The following PLSCR4 variants were observed in gnomAD, a reference collection of about 807,000 sequenced individuals.
PLSCR4 encodes Ca(2+)-dependent phospholipid scramblase 4.
A neutral mutation model predicts 36.3 loss-of-function variants in PLSCR4; 25 were observed. The observed-to-expected ratio is 0.69, with a 90% CI of 0.50 to 0.96. The LOEUF (loss-of-function observed/expected upper bound fraction) is 0.96, where lower values mean the gene tolerates loss of function less well. PLSCR4 is among the 40% of genes least tolerant of loss of function. The pLI is 0.00. For missense variants in PLSCR4, 408 were observed against 414.7 expected (o/e 0.98, Z 0.14); for synonymous variants, 122 against 132.9 (o/e 0.92, Z 0.56).
At chr3:146,239,844 T>C (rs1292054483) in intron 1 of PLSCR4, among the ~76,000 whole-genome samples, 1 of 151,710 alleles carries the variant, frequency 6.6e-6, no homozygotes, top group African/African-American at 2.4e-5. Context: ...GATTGCACCA[T>C]TGCACTCCAG....
intron 1 of PLSCR4, among the ~76,000 whole-genome samples, chr3:146,242,882 A>C: frequency 6.6e-6 from 1 of 152,230 alleles, no homozygotes; most frequent in East Asian, 1.9e-4. Flanking sequence ...GTCTGCCTTT[A>C]TGGTAAACAC....
At chr3:146,209,026 G>C (rs2034487416) in intron 3 of PLSCR4, among the ~76,000 whole-genome samples, 1 of 151,918 alleles carries the variant, frequency 6.6e-6, no homozygotes. Context: ...ATCTACGAGT[G>C]GATAAAGAAA....
intron 1 of PLSCR4, among the ~76,000 whole-genome samples, chr3:146,230,600 C>T (rs2035669834): frequency 6.6e-6 from 1 of 151,988 alleles, no homozygotes; most frequent in African/African-American, 2.4e-5. Flanking sequence ...GTTGCTTGGA[C>T]ATGTTGCTGT....
rs2036365588 is a variant in PLSCR4, at chr3:146,246,996, TAC to T, written c.-22+3962_-22+3963del. Among the ~76,000 whole-genome samples, 5 of 152,316 alleles carry T rather than the reference TAC, an allele frequency of 3.3e-5. 1 individual carries two copies. In the South Asian group the frequency reaches 1.0e-3, roughly 32 times the overall value. On this transcript the variant is annotated intron_variant, in intron 1 of 8. Transcript: ENST00000354952. ...GATTTTCTAAGCATATATAAACTAA[TAC>T]ACACAGTTTTTATAAAATGGCAATC...
At chr3:146,224,520 C>T (rs1277368660) in intron 1 of PLSCR4, among the ~76,000 whole-genome samples, 3 of 149,388 alleles carry the variant, frequency 2.0e-5, no homozygotes, top group African/African-American at 7.7e-5. Flanking sequence ...GAGTTTCTTC[C>T]TTCTGGTGGG....
intron 6 of PLSCR4, among the ~76,000 whole-genome samples, 189 bp downstream of exon 6, chr3:146,199,624 T>C (rs1349218450): frequency 6.6e-6 from 1 of 152,136 alleles, no homozygotes; most frequent in Non-Finnish European, 1.5e-5. Flanking sequence ...TAAAAAGTAG[T>C]AACCAAAAAG....
intron 1 of PLSCR4, among the ~76,000 whole-genome samples, chr3:146,237,016 G>A (rs1339395736): frequency 2.6e-5 from 4 of 151,614 alleles, no homozygotes; most frequent in Admixed American, 2.6e-4. Flanking sequence ...CAATCAAAAG[G>A]TAGAGACTGG....
In PLSCR4 at chr3:146,193,670, C is replaced by A. The variant is rs969266515; in HGVS notation, c.*741G>T. 1.3e-5 allele frequency: 2 copies of A among 152,222 alleles called. No homozygotes were observed. The highest frequency in any genetic ancestry group is 2.9e-5 in the Non-Finnish European group (2 of 68,032). 9.4% of individuals were successfully genotyped at this position (152,222 alleles called of 1,614,324 possible). ...CAATGTCTCTAAGTTGCTCAGAGAT[C>A]TTGACTGGCTGTGGCCCTGGCCAGC... On this transcript the variant is annotated 3_prime_UTR_variant, in exon 9 of 9. Transcript: ENST00000354952.
At position 146,195,198 on chromosome 3, in the gene PLSCR4, G is replaced by C; in HGVS notation, c.871C>G (p.His291Asp). Residue 291 changes from histidine (H) to aspartate (D), a missense_variant, in exon 8 of 9, where the codon CAT (histidine) becomes GAT (aspartate). Physicochemically the swap from His to Asp is moderately conservative, Grantham distance 81. Coordinates refer to ENST00000354952, the MANE Select transcript of PLSCR4 (RefSeq NM_020353.3). ...GLLSAMADAD[H>D]FDIHFPLDLD... ...TCTAGTGGGAAGTGAATGTCAAAAT[G>C]GTCAGCATCTGCCATTGCTGATAAC... 6.2e-7 allele frequency: 1 copy of C among 1,613,170 alleles called. No individual in the cohort carries two copies. The highest frequency in any genetic ancestry group is 8.5e-7 in the Non-Finnish European group (1 of 1,179,228).
intron 8 of PLSCR4, 114 bp from the exon 9 acceptor site, chr3:146,194,569 AT>A: frequency 1.6e-6 from 1 of 639,182 alleles, no homozygotes; most frequent in Non-Finnish European, 2.7e-6. Flanking sequence ...AAATACATAA[AT>A]TTAGGGAAAT....
intron 5 of PLSCR4, among the ~76,000 whole-genome samples, chr3:146,200,755 G>C (rs903413613): frequency 6.6e-6 from 1 of 151,962 alleles, no homozygotes; most frequent in Non-Finnish European, 1.5e-5. Context: ...TCTTTGAAAG[G>C]TAAATGTGGA....
intron 1 of PLSCR4, among the ~76,000 whole-genome samples, chr3:146,236,205 T>A (rs78724486): frequency 0.013 from 1,975 of 152,156 alleles, 42 homozygotes; most frequent in African/African-American, 0.045. Flanking sequence ...CTTGAAGGCA[T>A]CTCAGAGACC....
chr3:146,222,786 T>A (rs9880432), intron 1 of PLSCR4, among the ~76,000 whole-genome samples: 1 of 151,876 alleles, frequency 6.6e-6, no homozygotes, highest in East Asian at 1.9e-4. Context: ...CTGACCGACA[T>A]CATACAATGA....
At chr3:146,232,634 C>A (rs181622995) in intron 1 of PLSCR4, among the ~76,000 whole-genome samples, 2 of 152,036 alleles carry the variant, frequency 1.3e-5, no homozygotes, top group African/African-American at 2.4e-5. Context: ...TGATTTGGTT[C>A]CTGGTTTGGC....
chr3:146,247,483 A>G (rs538335815), intron 1 of PLSCR4, among the ~76,000 whole-genome samples: 2 of 151,662 alleles, frequency 1.3e-5, no homozygotes, highest in African/African-American at 2.4e-5. Flanking sequence ...GCAATTTGCA[A>G]CTCTATTTCT....
rs114613671 is a variant in PLSCR4 at position 146,231,745 on chromosome 3, T to G, written c.-21-9653A>C. On this transcript the variant is annotated intron_variant, in intron 1 of 8. Coordinates refer to ENST00000354952, the MANE Select transcript of PLSCR4 (RefSeq NM_020353.3). The stretch of plus-strand genomic sequence containing the variant: ...TTGATTTGTTTAAATTCCTTACAGA[T>G]TCTGAATATTCGACCTTTGTCAGAT... Among the ~76,000 whole-genome samples, 1,334 of 152,346 alleles carry G rather than the reference T, an allele frequency of 8.8e-3. 20 individuals carry two copies. The highest frequency in any genetic ancestry group is 0.031 in the African/African-American group (1,288 of 41,578).
At chr3:146,229,668 A>T (rs2035624814) in intron 1 of PLSCR4, among the ~76,000 whole-genome samples, 1 of 150,626 alleles carries the variant, frequency 6.6e-6, no homozygotes, top group Admixed American at 6.6e-5. Flanking sequence ...TCTGTCACCC[A>T]GGCTGGAGTG....
intron 5 of PLSCR4, 53 bp downstream of exon 5, chr3:146,200,982 G>T: frequency 1.7e-6 from 2 of 1,182,552 alleles, no homozygotes; most frequent in Non-Finnish European, 2.4e-6. Flanking sequence ...ATTGGATAAT[G>T]CAAATTTCCA....
chr3:146,245,580 T>A (rs911626340), intron 1 of PLSCR4, among the ~76,000 whole-genome samples: 55 of 152,172 alleles, frequency 3.6e-4, no homozygotes, highest in African/African-American at 1.3e-3. Flanking sequence ...ATAATTTTCC[T>A]TTAAAAATAT....
Sources: gnomAD v4.1 joint callset for allele counts (sites outside exome capture counted in the v4.1 genomes callset) on GRCh38, gnomAD v4.1.1 for gene constraint, MANE v1.5 for transcripts, NCBI Gene and HGNC (gene_info 2026-07-23, HGNC 2026-07-21) for gene names.